The following TCP1 variants were observed in gnomAD, a reference collection of about 807,000 sequenced individuals.
TCP1 encodes the protein t-complex 1.
In TCP1, 6 loss-of-function variants were observed where a neutral mutation model predicts 54.7. The ratio of observed to expected loss-of-function variants is 0.11; its 90% CI spans 0.06 to 0.22. The LOEUF (loss-of-function observed/expected upper bound fraction) is 0.22, where lower values mean the gene tolerates loss of function less well. Ranked by LOEUF, TCP1 falls within the 10% of genes least tolerant of loss-of-function variation. The pLI, the probability that TCP1 is intolerant of heterozygous loss-of-function variation, is 1.00. For synonymous variants in TCP1, 225 were observed against 229.7 expected, an observed-to-expected ratio of 0.98 and a Z score of 0.19; for missense variants, 511 against 678.2, an observed-to-expected ratio of 0.75 and a Z score of 2.74.
Position 159,779,007 on chromosome 6 carries a change from T to G in TCP1, c.*38A>C, listed in dbSNP as rs761465923. 4 of 1,595,900 alleles carry G rather than the reference T, an allele frequency of 2.5e-6. No individual in the cohort carries two copies. The highest frequency in any genetic ancestry group is 3.4e-6 in the Non-Finnish European group (4 of 1,166,912). On this transcript the variant is annotated 3_prime_UTR_variant, in exon 12 of 12. Coordinates refer to ENST00000321394, the MANE Select transcript of TCP1 (RefSeq NM_030752.3). ...ATACTCAACTCAAGGTACAAGACAA[T>G]TGCATTTAACATTGTTATAAATAAA... is the stretch of plus-strand genomic sequence containing the variant.
At chr6:159,786,259 A>C (rs1353135300) in intron 3 of TCP1, among the ~76,000 whole-genome samples, 1 of 152,246 alleles carries the variant, frequency 6.6e-6, no homozygotes, top group South Asian at 2.1e-4. Context: ...TGTTTATTGT[A>C]ACGCTGATGG....
Position 159,785,470 on chromosome 6 carries a change from T to G in TCP1, c.404A>C (p.Asn135Thr). The G allele has an allele frequency of 6.2e-7, 1 of 1,613,804 alleles. No homozygotes were observed. Residue 135 changes from asparagine (N) to threonine (T), a missense_variant, in exon 5 of 12, where the codon AAC becomes ACC. By Grantham distance (65) the Asn-to-Thr change is moderately conservative. Transcript: ENST00000321394. ...CKEAVRYINE[N>T]LIVNTDELGR... is the part of the protein sequence containing the mutation. ...CAGTTCATCTGTGTTAACAATTAGG[T>G]TTTCATTGATATAACGCACTGCTTC...
At chr6:159,779,498 C>T (rs996600439) in intron 11 of TCP1, 129 bp downstream of exon 11, 7 of 1,279,016 alleles carry the variant, frequency 5.5e-6, no homozygotes, top group Admixed American at 4.9e-5. Flanking sequence ...CAAATGCTTG[C>T]TGTGAAGTTT....
At position 159,778,937 on chromosome 6, in the gene TCP1, T is replaced by C. The variant is rs930538935; in HGVS notation, c.*108A>G. ...GTACAGATGGAAACCATTTCCTACA[T>C]CACAAAAACCCAAGTTTACAGCTTG... On this transcript the variant is annotated 3_prime_UTR_variant, in exon 12 of 12. Transcript: ENST00000321394. 1.3e-6 allele frequency: 2 copies of C among 1,562,710 alleles called. No homozygotes were observed. The highest frequency in any genetic ancestry group is 1.7e-6 in the Non-Finnish European group (2 of 1,149,490).
intron 1 of TCP1, 62 bp downstream of exon 1, chr6:159,789,343 G>A: frequency 6.3e-7 from 1 of 1,596,608 alleles, no homozygotes; most frequent in Non-Finnish European, 8.6e-7. Flanking sequence ...GCCGGGGTCC[G>A]GTCGCGGTGG....
intron 7 of TCP1, among the ~76,000 whole-genome samples, chr6:159,781,692 A>C (rs1487932089): frequency 6.6e-6 from 1 of 152,188 alleles, no homozygotes; most frequent in Non-Finnish European, 1.5e-5. Flanking sequence ...GTATCACTTA[A>C]ACCCGGAAGG....
chr6:159,778,601 A>C lies in TCP1; in HGVS notation c.*444T>G, dbSNP rs987193570. 1 of 1,568,900 alleles carries C rather than the reference A, an allele frequency of 6.4e-7. No homozygotes were observed. Among genetic ancestry groups the C allele is most frequent in the Non-Finnish European group, 8.7e-7 (1 of 1,149,350 alleles). On this transcript the variant is annotated 3_prime_UTR_variant, in exon 12 of 12. Transcript: ENST00000321394. ...CATTAAGAGGAAAAAGACAAGTTTA[A>C]GATTTTAAACTGTGTCCACAGAAGA...
chr6:159,781,133 G>C (rs774651803), intron 7 of TCP1, 23 bp from the exon 8 acceptor site: 1 of 1,543,928 alleles, frequency 6.5e-7, no homozygotes, highest in South Asian at 1.2e-5. Flanking sequence ...TTTGTAACCT[G>C]AGTTACCTTC....
chr6:159,783,854 G>T, intron 7 of TCP1, 87 bp downstream of exon 7: 3 of 1,460,086 alleles, frequency 2.1e-6, no homozygotes, highest in Non-Finnish European at 2.7e-6. Flanking sequence ...AATTTTTCTG[G>T]AAGTAAAATA....
intron 5 of TCP1, chr6:159,785,068 G>A: frequency 3.2e-6 from 2 of 616,948 alleles, no homozygotes; most frequent in Non-Finnish European, 5.7e-6. Context: ...AGCAGGGAAG[G>A]CAACAGGTAA....
At chr6:159,789,079 G>C in intron 1 of TCP1, 1 of 373,608 alleles carries the variant, frequency 2.7e-6, no homozygotes, top group South Asian at 4.3e-5. Flanking sequence ...GAAACAAAAG[G>C]GGGTGCGAGG....
chr6:159,783,853 G>C (rs2114993883), intron 7 of TCP1, 88 bp downstream of exon 7: 1 of 1,460,454 alleles, frequency 6.8e-7, no homozygotes, highest in Non-Finnish European at 9.1e-7. Flanking sequence ...TAATTTTTCT[G>C]GAAGTAAAAT....
chr6:159,779,795 G>A lies in TCP1; in HGVS notation c.1291-5C>T. ...CGCAAGCTGTTCCCGAGACCCCTAG[G>A]AAAAGAAGAAAATTAGGTGACTTCA... On this transcript the variant is annotated splice_region_variant and splice_polypyrimidine_tract_variant and intron_variant, in intron 10 of 11. Transcript: ENST00000321394. The A allele has an allele frequency of 6.3e-7, 1 of 1,587,060 alleles. No individual in the cohort carries two copies. The highest frequency in any genetic ancestry group is 1.2e-5 in the South Asian group (1 of 86,060).
At chr6:159,784,595 C>A (rs764047990) in intron 6 of TCP1, 71 bp downstream of exon 6, 1 of 1,522,162 alleles carries the variant, frequency 6.6e-7, no homozygotes, top group Non-Finnish European at 8.9e-7. Context: ...TGAGCCACCG[C>A]GCCCAGCCAA....
At chr6:159,787,929 A>G in intron 2 of TCP1, 58 bp from the exon 3 acceptor site, 2 of 1,609,444 alleles carry the variant, frequency 1.2e-6, no homozygotes, top group South Asian at 2.2e-5. Flanking sequence ...CAGCCCCATT[A>G]TAATACACGT....
chr6:159,779,434 A>C (rs764778075), intron 11 of TCP1, among the ~76,000 whole-genome samples, 173 bp from the exon 12 acceptor site: 1 of 152,234 alleles, frequency 6.6e-6, no homozygotes, highest in Non-Finnish European at 1.5e-5. Context: ...GTTAACGAAG[A>C]CACACCAGTG....
intron 7 of TCP1, among the ~76,000 whole-genome samples, chr6:159,782,718 A>G (rs752498141): frequency 6.6e-6 from 1 of 152,196 alleles, no homozygotes; most frequent in African/African-American, 2.4e-5. Flanking sequence ...AGATAGAGGT[A>G]TGTGTGTTTG....
chr6:159,785,967 C>T lies in TCP1; in HGVS notation c.310G>A (p.Ala104Thr), dbSNP rs774631445. The change falls in exon 4 of 12, where the codon GCA becomes ACA. Residue 104 changes from alanine to threonine, a missense_variant. Physicochemically the swap from Ala to Thr is moderately conservative, Grantham distance 58. Around this residue, in one of 5 missense-constraint regions of TCP1, gnomAD observed 54 missense variants for 111.8 expected, o/e 0.48. Coordinates refer to ENST00000321394, the MANE Select transcript of TCP1 (RefSeq NM_030752.3). Reference protein sequence around the residue: ...VIIAAELLKNADELVKQKIHP... With the variant: ...VIIAAELLKNTDELVKQKIHP... ...ATTTTCTGTTTGACTAATTCATCTG[C>T]ATTTTTTAGGAGTTCTGCTGCAATA... 6.2e-7 allele frequency: 1 copy of T among 1,613,882 alleles called. No homozygotes were observed. Among genetic ancestry groups the T allele is most frequent in the Admixed American group, 1.7e-5 (1 of 60,010 alleles).
rs760080469 is a variant in TCP1 at position 159,779,796 on chromosome 6, A to G, written c.1291-6T>C. 4.2e-5 allele frequency: 66 copies of G among 1,588,372 alleles called. No homozygotes were observed. Among genetic ancestry groups the G allele is most frequent in the Non-Finnish European group, 5.2e-5 (61 of 1,172,654 alleles). ...GCAAGCTGTTCCCGAGACCCCTAGG[A>G]AAAGAAGAAAATTAGGTGACTTCAC... On this transcript the variant is annotated splice_region_variant and splice_polypyrimidine_tract_variant and intron_variant, in intron 10 of 11. Coordinates refer to ENST00000321394, the MANE Select transcript of TCP1 (RefSeq NM_030752.3).
Sources: allele counts gnomAD v4.1 joint callset (sites outside exome capture counted in the v4.1 genomes callset), GRCh38; gene constraint gnomAD v4.1.1; regional missense constraint gnomAD v4.1.1; transcripts MANE v1.5; gene names NCBI Gene and HGNC (gene_info 2026-07-23, HGNC 2026-07-21).